PLCL2: variants seen among roughly 807,000 people sequenced by gnomAD.
PLCL2 encodes inactive phospholipase C-like protein 2.
A neutral mutation model predicts 79.6 loss-of-function variants in PLCL2; 4 were observed. The observed-to-expected ratio is 0.05, with a 90% CI of 0.02 to 0.11. The LOEUF (loss-of-function observed/expected upper bound fraction) is 0.11, where lower values mean the gene tolerates loss of function less well. Ranked by LOEUF, PLCL2 falls within the 10% of genes least tolerant of loss-of-function variation. The pLI is 1.00. For missense variants in PLCL2, 895 were observed against 1,291.0 expected, an observed-to-expected ratio of 0.69 and a Z score of 4.70; for synonymous variants, 484 against 457.7, an observed-to-expected ratio of 1.06 and a Z score of -0.73.
In PLCL2 at chr3:17,010,317, C is replaced by T; in HGVS notation, c.971C>T (p.Thr324Ile). ...CATAAATCAAAGGACAAAGCTGGTACCGAGGTCACAAAGGAAGAATTTATT... is the reference window on the plus strand; with the variant it reads ...CATAAATCAAAGGACAAAGCTGGTATCGAGGTCACAAAGGAAGAATTTATT... ...ELHKSKDKAG[T>I]EVTKEEFIEV... The change falls in exon 2 of 6, where the codon ACC becomes ATC. Residue 324 changes from threonine to isoleucine, a missense_variant. By Grantham distance (89) the Thr-to-Ile change is moderately conservative (BLOSUM62 -1). Transcript: ENST00000615277. This position sits in a 1 kb window ranked among gnomAD's most constrained non-coding sequence, Gnocchi z 5.8. The T allele has an allele frequency of 2.5e-6, 4 of 1,613,974 alleles. No homozygotes were observed. The highest frequency in any genetic ancestry group is 3.4e-6 in the Non-Finnish European group (4 of 1,179,990).
chr3:17,076,497 T>C (rs1340734400), intron 5 of PLCL2, among the ~76,000 whole-genome samples: 1 of 152,046 alleles, frequency 6.6e-6, no homozygotes, highest in Non-Finnish European at 1.5e-5. Flanking sequence ...TTAAGTACTT[T>C]CTGTGGTTTA....
At chr3:16,963,546 G>T (rs1345999251) in intron 1 of PLCL2, among the ~76,000 whole-genome samples, 1 of 152,052 alleles carries the variant, frequency 6.6e-6, no homozygotes, top group East Asian at 1.9e-4. Flanking sequence ...TAGCATTTAT[G>T]ACTTTAGATT....
chr3:16,997,731 G>T (rs146673370), intron 1 of PLCL2, among the ~76,000 whole-genome samples: 1 of 151,628 alleles, frequency 6.6e-6, no homozygotes, highest in Non-Finnish European at 1.5e-5. Context: ...GTAGAGATGG[G>T]GTTTCACAGT....
chr3:17,043,803 G>GT (rs2064753185), intron 4 of PLCL2, among the ~76,000 whole-genome samples: 1 of 151,974 alleles, frequency 6.6e-6, no homozygotes, highest in South Asian at 2.1e-4. Context: ...TATTGAAAGA[G>GT]TATTCATATT....
At chr3:17,031,341 G>C (rs1194133486) in intron 3 of PLCL2, among the ~76,000 whole-genome samples, 2 of 152,172 alleles carry the variant, frequency 1.3e-5, no homozygotes, top group Non-Finnish European at 2.9e-5. Context: ...ATCCTCACTG[G>C]ACTGCACCTG....
chr3:17,003,133 G>GT lies in PLCL2; in HGVS notation c.328-6534dup, dbSNP rs1195375284. Among the ~76,000 whole-genome samples the GT allele has an allele frequency of 1.2e-4, 19 of 152,174 alleles. No individual in the cohort carries two copies. In the East Asian group the frequency reaches 2.3e-3, roughly 19 times the overall value. ...GTTGATTGCTTTATCTCTTGACAAT[G>GT]TTTTTTTGTTGTTTTTGTTTTGTTT... On this transcript the variant is annotated intron_variant, in intron 1 of 5. Transcript: ENST00000615277.
At chr3:17,005,959 A>G (rs1216531394) in intron 1 of PLCL2, among the ~76,000 whole-genome samples, 1 of 152,200 alleles carries the variant, frequency 6.6e-6, no homozygotes, top group Non-Finnish European at 1.5e-5. Flanking sequence ...ATTCTGAGAA[A>G]TAGTTTATAC....
At chr3:17,020,743 C>T (rs2064441388) in intron 3 of PLCL2, among the ~76,000 whole-genome samples, 1 of 152,102 alleles carries the variant, frequency 6.6e-6, no homozygotes, top group East Asian at 1.9e-4. Flanking sequence ...GTAGTCTCTT[C>T]TAACACATGA....
intron 1 of PLCL2, among the ~76,000 whole-genome samples, chr3:16,958,096 G>C (rs544664789): frequency 2.0e-5 from 3 of 152,114 alleles, no homozygotes; most frequent in Non-Finnish European, 4.4e-5. Flanking sequence ...TATTGTGCTC[G>C]TTAGTTGATG....
At chr3:16,909,688 T>C (rs956025245) in intron 1 of PLCL2, among the ~76,000 whole-genome samples, 2 of 152,216 alleles carry the variant, frequency 1.3e-5, no homozygotes, top group Non-Finnish European at 1.5e-5. Flanking sequence ...ATAACTGATA[T>C]AATATTTCTC....
Position 17,014,774 on chromosome 3 carries a change from T to C in PLCL2, c.2881T>C (p.Leu961=), listed in dbSNP as rs979648264. ...TGTGGCCAATCTCATGCAGTGCATG[T>C]TGGCGGTGTCTCCCCGCTTTCTGGG... ...SSVANLMQCM[L]AVSPRFLGPD... The change falls in exon 3 of 6, where the codon TTG becomes CTG. Residue 961 remains leucine (L), a synonymous_variant. Coordinates refer to ENST00000615277, the MANE Select transcript of PLCL2 (RefSeq NM_001144382.2). 2 of 1,614,048 alleles carry C rather than the reference T, an allele frequency of 1.2e-6. No homozygotes were observed. Among genetic ancestry groups the C allele is most frequent in the Non-Finnish European group, 1.7e-6 (2 of 1,180,014 alleles).
At chr3:17,022,898 G>T (rs79233455) in intron 3 of PLCL2, among the ~76,000 whole-genome samples, 4,437 of 152,252 alleles carry the variant, frequency 0.029, 239 homozygotes, top group African/African-American at 0.1. Context: ...TTCATCTATT[G>T]CATTCATTAC....
rs934592219 is a variant in PLCL2 at position 17,010,203 on chromosome 3, A to T, written c.857A>T (p.His286Leu). 2 of 1,614,028 alleles carry T rather than the reference A, an allele frequency of 1.2e-6. No homozygotes were observed. Among genetic ancestry groups the T allele is most frequent in the African/African-American group, 1.3e-5 (1 of 74,938 alleles). Reference sequence around the variant, plus strand: ...GAAATTGATGTAGATAACCTTGGACATATAACTCTGTGTAATGCTGTGCAA... The same window carrying T: ...GAAATTGATGTAGATAACCTTGGACTTATAACTCTGTGTAATGCTGTGCAA... The part of the protein sequence containing the change: ...FSEIDVDNLG[H>L]ITLCNAVQCI... Residue 286 changes from histidine (H) to leucine (L), a missense_variant, in exon 2 of 6, where the codon CAT (histidine) becomes CTT (leucine). Coordinates refer to ENST00000615277, the MANE Select transcript of PLCL2 (RefSeq NM_001144382.2). The surrounding 1 kb of genome is among the most constrained non-coding windows in gnomAD (Gnocchi z 5.8).
At chr3:17,016,496 C>T (rs923523404) in intron 3 of PLCL2, among the ~76,000 whole-genome samples, 3 of 152,114 alleles carry the variant, frequency 2.0e-5, no homozygotes, top group Admixed American at 2.0e-4. Flanking sequence ...GTCTGATGAG[C>T]CTCAGGTGCT....
intron 4 of PLCL2, among the ~76,000 whole-genome samples, chr3:17,064,535 C>T (rs4334629): frequency 0.54 from 82,207 of 151,886 alleles, 22,566 homozygotes; most frequent in African/African-American, 0.63. Context: ...CCCTTGGTTG[C>T]GTATCTTTCG....
At chr3:16,926,565 T>TA (rs1158037844) in intron 1 of PLCL2, among the ~76,000 whole-genome samples, 1 of 152,186 alleles carries the variant, frequency 6.6e-6, no homozygotes. Flanking sequence ...TGAAACTACT[T>TA]AGAGACAAAG....
chr3:16,886,167 C>A lies in PLCL2; in HGVS notation c.327+801C>A, dbSNP rs964203898. On this transcript the variant is annotated intron_variant, in intron 1 of 5. Transcript: ENST00000615277. The surrounding 1 kb of genome is among the most constrained non-coding windows in gnomAD (Gnocchi z 4.2). The stretch of plus-strand genomic sequence containing the variant: ...TTGTGTTAGTTTCATTCTAATGTTA[C>A]ATTTTGGTTCGCAATGTAAAAATAT... Among the ~76,000 whole-genome samples the A allele has an allele frequency of 6.6e-6, 1 of 152,124 alleles. No individual in the cohort carries two copies. The highest frequency in any genetic ancestry group is 2.4e-5 in the African/African-American group (1 of 41,408).
At chr3:17,027,725 C>T (rs984319077) in intron 3 of PLCL2, among the ~76,000 whole-genome samples, 1 of 152,052 alleles carries the variant, frequency 6.6e-6, no homozygotes, top group South Asian at 2.1e-4. Flanking sequence ...GGATTCTAAT[C>T]GTTAACCTGG....
intron 3 of PLCL2, among the ~76,000 whole-genome samples, chr3:17,017,781 T>C (rs1372953587): frequency 6.6e-6 from 1 of 152,196 alleles, no homozygotes; most frequent in Non-Finnish European, 1.5e-5. Flanking sequence ...TGTACAGATG[T>C]GTATTTATGC....
Sources: gnomAD v4.1 joint callset for allele counts (sites outside exome capture counted in the v4.1 genomes callset) on GRCh38, gnomAD v4.1.1 for gene constraint, Gnocchi (gnomAD v3.1) non-coding constraint, MANE v1.5 for transcripts, NCBI Gene and HGNC (gene_info 2026-07-23, HGNC 2026-07-21) for gene names.